RBPJ: variants seen among roughly 807,000 people sequenced by gnomAD.
The protein encoded by RBPJ is recombination signal binding protein for immunoglobulin kappa J region, also known as recombining binding protein suppressor of hairless.
A neutral mutation model predicts 67.8 loss-of-function variants in RBPJ; 9 were observed. The observed-to-expected ratio is 0.13, with a 90% confidence interval of 0.08 to 0.23. The LOEUF (loss-of-function observed/expected upper bound fraction) is 0.23. Ranked by LOEUF, RBPJ falls within the 10% of genes least tolerant of loss-of-function variation. RBPJ has a pLI of 1.00. For missense variants in RBPJ, 305 were observed against 595.6 expected (o/e 0.51, Z 5.08); for synonymous variants, 198 against 203.3 (o/e 0.97, Z 0.22).
chr4:26,334,156 T>G (rs932219149), intron 1 of RBPJ, among the ~76,000 whole-genome samples: 21 of 151,982 alleles, frequency 1.4e-4, no homozygotes, highest in African/African-American at 4.8e-4. Context: ...TTCTTCTGCC[T>G]CAGCCTCCCG....
rs1733001957 is a variant in RBPJ, at chr4:26,403,000, T to G, written c.60-3175T>G. On this transcript the variant is annotated intron_variant, in intron 2 of 10. Coordinates refer to ENST00000355476, the MANE Select transcript of RBPJ (RefSeq NM_015874.6). ...TGTCCCCTACTATCTTCTGTTACCG[T>G]CTTCTTAGTGTGAGAGCCTTTTTAT... 1.3e-5 allele frequency among the ~76,000 whole-genome samples: 2 copies of G among 152,204 alleles called. 1 individual carries two copies. The highest frequency in any genetic ancestry group is 4.1e-4 in the South Asian group (2 of 4,836).
chr4:26,185,566 A>G (rs1717216383), intron 1 of RBPJ, among the ~76,000 whole-genome samples: 1 of 152,212 alleles, frequency 6.6e-6, no homozygotes, highest in Non-Finnish European at 1.5e-5. Context: ...GACCTGCAAT[A>G]TTAATTATCC....
chr4:26,319,135 G>A (rs1364276646), upstream of RBPJ, among the ~76,000 whole-genome samples: 1 of 152,006 alleles, frequency 6.6e-6, no homozygotes, highest in Non-Finnish European at 1.5e-5. Flanking sequence ...TCTGGAGGCT[G>A]TCTGTCAGCT....
intron 1 of RBPJ, among the ~76,000 whole-genome samples, chr4:26,355,793 A>T (rs1042902694): frequency 1.3e-5 from 2 of 152,202 alleles, no homozygotes; most frequent in Non-Finnish European, 2.9e-5. Context: ...CACTCACACA[A>T]ACTGTAAGGA....
chr4:26,416,768 G>A (rs923004823), intron 4 of RBPJ, among the ~76,000 whole-genome samples: 23 of 152,238 alleles, frequency 1.5e-4, no homozygotes, highest in African/African-American at 5.1e-4. Context: ...TGTTGGTGGA[G>A]GTGAGCTAGG....
At chr4:26,218,224 G>A (rs531224445) in intron 1 of RBPJ, among the ~76,000 whole-genome samples, 2 of 152,178 alleles carry the variant, frequency 1.3e-5, no homozygotes, top group Non-Finnish European at 2.9e-5. Flanking sequence ...AGCTGTCGCC[G>A]GTGGGTACGT....
At chr4:26,386,504 T>G (rs781681181) in intron 2 of RBPJ, 113 bp downstream of exon 2, 12 of 691,534 alleles carry the variant, frequency 1.7e-5, no homozygotes, top group Middle Eastern at 4.2e-4. Context: ...TATTACTGTC[T>G]AGAGCATAAA....
the RBPJ span, among the ~76,000 whole-genome samples, chr4:26,135,862 TGAA>T: frequency 2.6e-5 from 4 of 152,056 alleles, no homozygotes; most frequent in Non-Finnish European, 5.9e-5. Context: ...CAGCTCTGCT[TGAA>T]GAAGAAGCTC....
chr4:26,109,579 C>CTCTATATATATATA, the RBPJ span, among the ~76,000 whole-genome samples: 2 of 29,392 alleles, frequency 6.8e-5, no homozygotes, highest in African/African-American at 4.2e-4. Context: ...CTCTCTCTCT[C>CTCTATATATATATA]TATATATATA....
chr4:26,137,342 T>A, the RBPJ span, among the ~76,000 whole-genome samples: 9 of 152,196 alleles, frequency 5.9e-5, no homozygotes, highest in African/African-American at 2.2e-4. Context: ...AGTCTGCTGA[T>A]CCCACTCCCT....
intron 1 of RBPJ, among the ~76,000 whole-genome samples, chr4:26,270,403 AAG>A (rs1165218557): frequency 1.3e-4 from 8 of 61,662 alleles, no homozygotes; most frequent in Admixed American, 4.4e-4. Flanking sequence ...GAAAGAAAGA[AAG>A]AAAGAAAGAA....
At chr4:26,181,233 C>G (rs1452791090) in intron 1 of RBPJ, among the ~76,000 whole-genome samples, 1 of 152,084 alleles carries the variant, frequency 6.6e-6, no homozygotes, top group Admixed American at 6.5e-5. Flanking sequence ...GAAGCTGTTT[C>G]TCACTGTAAG....
intron 1 of RBPJ, among the ~76,000 whole-genome samples, chr4:26,360,877 T>G (rs917290447): frequency 6.6e-6 from 1 of 151,510 alleles, no homozygotes; most frequent in African/African-American, 2.4e-5. Flanking sequence ...CCCAAAGTGC[T>G]GGGATTATAG....
intron 1 of RBPJ, among the ~76,000 whole-genome samples, chr4:26,364,770 C>T (rs1728451890): frequency 6.6e-6 from 1 of 151,824 alleles, no homozygotes; most frequent in African/African-American, 2.4e-5. Context: ...GGATTACAGG[C>T]GCGAGCCACC....
At chr4:26,361,781 ACTT>A (rs1348736775) in intron 1 of RBPJ, among the ~76,000 whole-genome samples, 1 of 152,104 alleles carries the variant, frequency 6.6e-6, no homozygotes, top group African/African-American at 2.4e-5. Context: ...TGATACATAC[ACTT>A]CTTACTATAC....
chr4:26,210,846 G>A (rs984206282), intron 1 of RBPJ, among the ~76,000 whole-genome samples: 1 of 142,624 alleles, frequency 7.0e-6, no homozygotes, highest in Admixed American at 7.5e-5. Context: ...TGGTGTGCCA[G>A]TGAAAAGCCT....
intron 2 of RBPJ, among the ~76,000 whole-genome samples, chr4:26,401,702 C>CAAATAGA (rs1732825928): frequency 6.6e-6 from 1 of 152,124 alleles, no homozygotes; most frequent in Non-Finnish European, 1.5e-5. Flanking sequence ...AATGCAGTTA[C>CAAATAGA]TGCTAAATGA....
chr4:26,399,767 C>G (rs1173371205), intron 2 of RBPJ, among the ~76,000 whole-genome samples: 1 of 152,000 alleles, frequency 6.6e-6, no homozygotes, highest in East Asian at 1.9e-4. Flanking sequence ...CTCACTGCAA[C>G]CTCCGCCTCC....
chr4:26,420,061 TTACTC>T (rs1220673460), intron 4 of RBPJ, among the ~76,000 whole-genome samples: 11 of 152,188 alleles, frequency 7.2e-5, no homozygotes, highest in Non-Finnish European at 1.6e-4. Flanking sequence ...TTATAAGTGA[TTACTC>T]TAGTGTTCAG....
Sources: gnomAD v4.1 joint callset for allele counts (sites outside exome capture counted in the v4.1 genomes callset) on GRCh38, gnomAD v4.1.1 for gene constraint, MANE v1.5 for transcripts, NCBI Gene and HGNC (gene_info 2026-07-23, HGNC 2026-07-21) for gene names.